The following RIMS1 variants were observed in gnomAD, a reference collection of about 807,000 sequenced individuals.
RIMS1 encodes the protein regulating synaptic membrane exocytosis 1, also known as regulating synaptic membrane exocytosis protein 1.
A neutral mutation model predicts 214.1 loss-of-function variants in RIMS1; 83 were observed. That is an observed-to-expected ratio of 0.39 (90% CI 0.32 to 0.47). The LOEUF (loss-of-function observed/expected upper bound fraction) is 0.47. Ranked by LOEUF, RIMS1 falls within the 20% of genes least tolerant of loss-of-function variation. The pLI is 0.99. For missense variants in RIMS1, 2,050 were observed against 2,161.8 expected, an observed-to-expected ratio of 0.95 and a Z score of 1.03; for synonymous variants, 793 against 786.8, an observed-to-expected ratio of 1.01 and a Z score of -0.13.
chr6:72,005,505 G>C (rs975885082), intron 2 of RIMS1, among the ~76,000 whole-genome samples: 1 of 152,118 alleles, frequency 6.6e-6, no homozygotes, highest in Admixed American at 6.6e-5. Flanking sequence ...ATCAATTGCT[G>C]GGAAACAGGT....
chr6:71,980,682 C>T (rs1015007380), intron 2 of RIMS1, among the ~76,000 whole-genome samples: 5 of 151,806 alleles, frequency 3.3e-5, no homozygotes, highest in East Asian at 1.9e-4. Context: ...GATGAGCGTA[C>T]GGCATTCCTG....
intron 4 of RIMS1, among the ~76,000 whole-genome samples, chr6:72,175,083 C>A (rs2047521696): frequency 6.6e-6 from 1 of 151,948 alleles, no homozygotes; most frequent in Non-Finnish European, 1.5e-5. Flanking sequence ...TGAAATATTA[C>A]CTTGATAATT....
At chr6:72,056,760 G>A (rs1021079338) in intron 2 of RIMS1, among the ~76,000 whole-genome samples, 1 of 151,848 alleles carries the variant, frequency 6.6e-6, no homozygotes, top group African/African-American at 2.4e-5. Flanking sequence ...TTTTACAAAG[G>A]AAGTTGAAGT....
rs557733793 is a variant in RIMS1 at position 72,360,213 on chromosome 6, G to A, written c.4366+26378G>A. Among the ~76,000 whole-genome samples the A allele has an allele frequency of 6.6e-5, 10 of 152,296 alleles. No homozygotes were observed. In the South Asian group the frequency reaches 1.9e-3, roughly 28 times the overall value. ...CTCACCATACCTTGAAAAGCAAGAA[G>A]TAGCATCTAGCTTTTGTAGTATTTT... On this transcript the variant is annotated intron_variant, in intron 29 of 33. Transcript: ENST00000521978.
At position 72,237,967 on chromosome 6, in the gene RIMS1, A is replaced by G. The variant is rs769304259; in HGVS notation, c.1957+45A>G. 9.0e-6 allele frequency: 12 copies of G among 1,328,410 alleles called. No homozygotes were observed. The East Asian group carries it at 2.1e-4, about 23-fold the overall frequency. 82.3% of individuals were successfully genotyped at this position (1,328,410 alleles called of 1,614,324 possible). On this transcript the variant is annotated intron_variant, in intron 9 of 33. Coordinates refer to ENST00000521978, the MANE Select transcript of RIMS1 (RefSeq NM_014989.7). ...TATTTAAACAGTGTGTTCTCCATGC[A>G]TGAACATGAATTGGTGGTTTTCAAT...
At chr6:72,019,495 C>A (rs1040623236) in intron 2 of RIMS1, among the ~76,000 whole-genome samples, 1 of 152,070 alleles carries the variant, frequency 6.6e-6, no homozygotes, top group African/African-American at 2.4e-5. Context: ...GGTGTTATAG[C>A]GATCACTATA....
intron 8 of RIMS1, 51 bp downstream of exon 8, chr6:72,235,779 C>A (rs2063764099): frequency 2.0e-6 from 2 of 987,222 alleles, no homozygotes; most frequent in South Asian, 4.9e-5. Context: ...ACAGTATGGT[C>A]TGCATTCATC....
chr6:71,965,082 G>C (rs569762322), intron 1 of RIMS1, among the ~76,000 whole-genome samples: 7 of 152,118 alleles, frequency 4.6e-5, no homozygotes, highest in African/African-American at 1.7e-4. Context: ...TTGGGAAGTA[G>C]ACACAAACAC....
intron 2 of RIMS1, among the ~76,000 whole-genome samples, chr6:71,975,824 ATG>A (rs1193402478): frequency 1.3e-5 from 2 of 152,156 alleles, no homozygotes; most frequent in Non-Finnish European, 2.9e-5. Flanking sequence ...ATCATATTAT[ATG>A]TGTCTGTTTA....
intron 2 of RIMS1, among the ~76,000 whole-genome samples, chr6:72,091,614 A>G (rs549730509): frequency 6.6e-6 from 1 of 152,138 alleles, no homozygotes; most frequent in South Asian, 2.1e-4. Context: ...CACCCAAACA[A>G]CTTTTTTACA....
chr6:72,057,666 A>C (rs1826683203), intron 2 of RIMS1, among the ~76,000 whole-genome samples: 2 of 151,564 alleles, frequency 1.3e-5, no homozygotes, highest in African/African-American at 2.4e-5. Context: ...CGCCACCACT[A>C]CTAGCTAATT....
intron 2 of RIMS1, among the ~76,000 whole-genome samples, chr6:71,988,687 G>A (rs1800720410): frequency 6.6e-6 from 1 of 152,090 alleles, no homozygotes; most frequent in African/African-American, 2.4e-5. Context: ...CTAAACAATG[G>A]GTGAACCTAG....
intron 23 of RIMS1, among the ~76,000 whole-genome samples, chr6:72,283,292 C>T (rs1340213964): frequency 1.3e-5 from 2 of 151,812 alleles, no homozygotes; most frequent in African/African-American, 2.4e-5. Context: ...GCTAATTAGA[C>T]ATATGTAAGC....
intron 4 of RIMS1, chr6:72,175,349 G>A: frequency 2.4e-6 from 1 of 419,704 alleles, no homozygotes. Context: ...ACCTCAGATG[G>A]ATTCTTATAA....
At chr6:72,274,534 C>A in intron 23 of RIMS1, 102 bp downstream of exon 23, 1 of 858,090 alleles carries the variant, frequency 1.2e-6, no homozygotes, top group Non-Finnish European at 1.9e-6. Flanking sequence ...GTACTTTATT[C>A]CAGGAGCCAG....
chr6:72,081,207 A>T (rs913367246), intron 2 of RIMS1, among the ~76,000 whole-genome samples: 1 of 152,198 alleles, frequency 6.6e-6, no homozygotes, highest in Non-Finnish European at 1.5e-5. Flanking sequence ...AGAGGGGATT[A>T]CTCAAATACT....
chr6:72,196,591 T>G (rs1439005932), intron 6 of RIMS1, among the ~76,000 whole-genome samples: 14 of 129,608 alleles, frequency 1.1e-4, no homozygotes, highest in African/African-American at 3.6e-4. Flanking sequence ...TTTTTTTTTT[T>G]TTTTTTTTTT....
intron 32 of RIMS1, among the ~76,000 whole-genome samples, 160 bp downstream of exon 32, chr6:72,398,510 G>C (rs1005274880): frequency 2.0e-5 from 3 of 152,058 alleles, no homozygotes; most frequent in Non-Finnish European, 4.4e-5. Context: ...AACGGATTTG[G>C]GTTTTCCTTG....
intron 29 of RIMS1, among the ~76,000 whole-genome samples, chr6:72,345,257 A>C (rs185718122): frequency 7.9e-5 from 12 of 151,478 alleles, no homozygotes; most frequent in African/African-American, 2.9e-4. Flanking sequence ...GATATATAAA[A>C]CTCCTGTGGT....
Sources: gnomAD v4.1 joint callset for allele counts (sites outside exome capture counted in the v4.1 genomes callset) on GRCh38, gnomAD v4.1.1 for gene constraint, MANE v1.5 for transcripts, NCBI Gene and HGNC (gene_info 2026-07-23, HGNC 2026-07-21) for gene names.